NOL11: variants seen among roughly 807,000 people sequenced by gnomAD.
NOL11 encodes the protein nucleolar protein 11.
In NOL11, 42 loss-of-function variants were observed where a neutral mutation model predicts 93.0. The observed-to-expected ratio is 0.45, with a 90% CI of 0.35 to 0.58. The LOEUF (loss-of-function observed/expected upper bound fraction) is 0.58, where lower values mean the gene tolerates loss of function less well. Ranked by LOEUF, NOL11 falls within the 20% of genes least tolerant of loss-of-function variation. The probability of loss-of-function intolerance (pLI) is 0.00; values close to 1 mark genes in which losing one functional copy is unlikely to be tolerated. For missense variants in NOL11, 775 were observed against 841.8 expected (o/e 0.92, Z 0.98); for synonymous variants, 296 against 293.7 (o/e 1.01, Z -0.08).
At position 67,719,618 on chromosome 17, in the gene NOL11, G is replaced by A. The variant is rs141648424; in HGVS notation, c.142-56G>A. 4.1e-3 allele frequency: 3,686 copies of A among 896,258 alleles called. 22 individuals carry two copies. The highest frequency in any genetic ancestry group is 4.5e-3 in the Non-Finnish European group (2,553 of 568,402). 55.5% of individuals were successfully genotyped at this position (896,258 alleles called of 1,614,324 possible). On this transcript the variant is annotated intron_variant, in intron 1 of 17. Transcript: ENST00000253247. ...TCTTTTATTGATTATAAACTTAATT[G>A]CTTTTAATGTTTGAAGTTGACTTCT... is the stretch of plus-strand genomic sequence containing the variant.
At chr17:67,728,316 G>C (rs2143104847) in intron 7 of NOL11, among the ~76,000 whole-genome samples, 1 of 152,194 alleles carries the variant, frequency 6.6e-6, no homozygotes, top group African/African-American at 2.4e-5. Flanking sequence ...ACTTTACTAA[G>C]ATTATCTCAT....
Position 67,722,431 on chromosome 17 carries a change from A to G in NOL11, c.462-149A>G, listed in dbSNP as rs114959123. On this transcript the variant is annotated intron_variant, in intron 4 of 17. Transcript: ENST00000253247. Reference sequence around the variant, plus strand: ...GACAAATGCGTATTGCTTGTGGTATATGTTTCAAAACGCCCAATTAAGTGT... The same window carrying G: ...GACAAATGCGTATTGCTTGTGGTATGTGTTTCAAAACGCCCAATTAAGTGT... 948 of 1,223,328 alleles carry G rather than the reference A, an allele frequency of 7.7e-4. 3 individuals carry two copies. The African/African-American group carries it at 0.014, about 18-fold the overall frequency. The allele number at this position is 1,223,328 out of a possible 1,614,324, so 75.8% of individuals were successfully genotyped here.
At chr17:67,741,971 A>G (rs750146650) in intron 16 of NOL11, among the ~76,000 whole-genome samples, 1 of 152,202 alleles carries the variant, frequency 6.6e-6, no homozygotes, top group Non-Finnish European at 1.5e-5. Context: ...TAATGTACCT[A>G]TCAATCCTCT....
At chr17:67,726,701 T>A in intron 7 of NOL11, 53 bp downstream of exon 7, 1 of 1,282,422 alleles carries the variant, frequency 7.8e-7, no homozygotes, top group Non-Finnish European at 1.1e-6. Flanking sequence ...CTTCACGGTG[T>A]ACCTTTTAGT....
intron 7 of NOL11, among the ~76,000 whole-genome samples, chr17:67,728,513 G>A (rs1599040146): frequency 1.3e-5 from 2 of 152,074 alleles, no homozygotes; most frequent in Admixed American, 6.6e-5. Flanking sequence ...ACTTCACTAA[G>A]CTGTGCTTCT....
In NOL11 at chr17:67,724,052, G is replaced by A. The variant is rs2055062675; in HGVS notation, c.523G>A (p.Gly175Arg). 6.5e-7 allele frequency: 1 copy of A among 1,534,572 alleles called. No individual in the cohort carries two copies. The highest frequency in any genetic ancestry group is 8.7e-7 in the Non-Finnish European group (1 of 1,145,374). ...AAATAACCTTTTTTTTTTGCAGCAT[G>A]GAAATTACTTTGCTTACGTGCAAAT... is the stretch of plus-strand genomic sequence containing the variant. ...PVLIFITEKH[G>R]NYFAYVQMFN... The change falls in exon 6 of 18, where the codon GGA becomes AGA. Residue 175 changes from glycine (G) to arginine (R), a missense_variant. Physicochemically the swap from Gly to Arg is moderately radical, Grantham distance 125 (BLOSUM62 -2). Around this residue, in one of 2 missense-constraint regions of NOL11, gnomAD observed 359 missense variants for 316.5 expected, o/e 1.13. Coordinates refer to ENST00000253247, the MANE Select transcript of NOL11 (RefSeq NM_015462.5).
At chr17:67,728,243 G>A (rs2055118104) in intron 7 of NOL11, among the ~76,000 whole-genome samples, 1 of 152,200 alleles carries the variant, frequency 6.6e-6, no homozygotes, top group Non-Finnish European at 1.5e-5. Context: ...CTGGGGGACA[G>A]AGCAAGACTC....
Position 67,735,942 on chromosome 17 carries a change from T to A in NOL11, c.973T>A (p.Ser325Thr), listed in dbSNP as rs2055197906. 6.2e-7 allele frequency: 1 copy of A among 1,612,178 alleles called. No homozygotes were observed. The highest frequency in any genetic ancestry group is 8.5e-7 in the Non-Finnish European group (1 of 1,178,802). Residue 325 changes from serine to threonine, a missense_variant, in exon 9 of 18, where the codon TCT becomes ACT. By Grantham distance (58) the Ser-to-Thr change is moderately conservative. This residue lies in a region of NOL11 where 416 missense variants were observed against 525.2 expected (regional missense o/e 0.79). Coordinates refer to ENST00000253247, the MANE Select transcript of NOL11 (RefSeq NM_015462.5). ...GEHLFMLHGK[S>T]LTVIPYKCEV... ...ACATTTGTTTATGCTACATGGAAAA[T>A]CTCTAACTGTGATTCCATACAAGTG...
rs1432928948 is a variant in NOL11 at position 67,743,991 on chromosome 17, C to T, written c.*132C>T. 2 of 498,306 alleles carry T rather than the reference C, an allele frequency of 4.0e-6. No homozygotes were observed. Among genetic ancestry groups the T allele is most frequent in the Admixed American group, 3.8e-5 (1 of 26,342 alleles). 30.9% of individuals were successfully genotyped at this position (498,306 alleles called of 1,614,324 possible). Reference sequence around the variant, plus strand: ...GAAACGTGTCAGTGAGTACCTGGACCATCACTTAACTGATGCTCCGGGGTA... The same window carrying T: ...GAAACGTGTCAGTGAGTACCTGGACTATCACTTAACTGATGCTCCGGGGTA... On this transcript the variant is annotated 3_prime_UTR_variant, in exon 18 of 18. Coordinates refer to ENST00000253247, the MANE Select transcript of NOL11 (RefSeq NM_015462.5).
At chr17:67,730,538 G>A (rs2055144470) in intron 7 of NOL11, among the ~76,000 whole-genome samples, 1 of 152,226 alleles carries the variant, frequency 6.6e-6, no homozygotes, top group African/African-American at 2.4e-5. Flanking sequence ...GGGATTACAG[G>A]CGTGAGCCAC....
chr17:67,739,709 C>T (rs2055237464), intron 16 of NOL11, 101 bp downstream of exon 16: 1 of 715,540 alleles, frequency 1.4e-6, no homozygotes, highest in East Asian at 2.9e-5. Context: ...CTTCTTGTTT[C>T]CTAGGCCGTA....
intron 7 of NOL11, 127 bp downstream of exon 7, chr17:67,726,775 AT>A (rs945302393): frequency 1.0e-4 from 70 of 676,750 alleles, no homozygotes; most frequent in African/African-American, 8.1e-4. Flanking sequence ...AGCATACTCA[AT>A]TTTTTTTGTG....
At position 67,735,911 on chromosome 17, in the gene NOL11, T is replaced by C. The variant is rs143669609; in HGVS notation, c.942T>C (p.Tyr314=). 7.2e-5 allele frequency: 116 copies of C among 1,609,314 alleles called. No individual in the cohort carries two copies. The African/African-American group carries it at 1.4e-3, about 19-fold the overall frequency. The change falls in exon 9 of 18, where the codon TAT becomes TAC. Residue 314 remains tyrosine (Y), a synonymous_variant. Coordinates refer to ENST00000253247, the MANE Select transcript of NOL11 (RefSeq NM_015462.5). ...AACTTTTTTTGTAGCTCTGGTATTA[T>C]GGAGAACATTTGTTTATGCTACATG... is the stretch of plus-strand genomic sequence containing the variant. The part of the protein sequence containing the change: ...PQGTSGQLWY[Y]GEHLFMLHGK...
At chr17:67,735,809 G>A (rs992211140) in intron 8 of NOL11, 91 bp from the exon 9 acceptor site, 2 of 892,108 alleles carry the variant, frequency 2.2e-6, no homozygotes, top group Non-Finnish European at 3.2e-6. Flanking sequence ...TTTTAATACT[G>A]AGCACTTATA....
chr17:67,724,034 C>CTTT lies in NOL11; in HGVS notation c.520-7_520-5dup. Reference sequence around the variant, plus strand: ...GAAATGGGAATATTTATAAAATAACCTTTTTTTTTTGCAGCATGGAAATTA... The same window carrying CTTT: ...GAAATGGGAATATTTATAAAATAACCTTTTTTTTTTTTTGCAGCATGGAAATTA... On this transcript the variant is annotated splice_polypyrimidine_tract_variant and intron_variant, in intron 5 of 17. Transcript: ENST00000253247. The CTTT allele has an allele frequency of 7.8e-7, 1 of 1,280,656 alleles. No homozygotes were observed. Among genetic ancestry groups the CTTT allele is most frequent in the South Asian group, 1.5e-5 (1 of 67,552 alleles). 79.3% of individuals were successfully genotyped at this position (1,280,656 alleles called of 1,614,324 possible). A position where few individuals can be genotyped will look rare whatever the true frequency, so the allele number is the denominator to read the frequency against.
Position 67,719,761 on chromosome 17 carries a change from G to A in NOL11, c.229G>A (p.Glu77Lys). 2 of 1,608,140 alleles carry A rather than the reference G, an allele frequency of 1.2e-6. No individual in the cohort carries two copies. The highest frequency in any genetic ancestry group is 1.7e-6 in the Non-Finnish European group (2 of 1,176,776). ...CPAVCNFQTG[E>K]YVVVHDNKVL... ...AGCTGTGTGCAACTTTCAAACTGGA[G>A]AGTATGTTGTTGTACACGATAATAA... is the stretch of plus-strand genomic sequence containing the variant. The change falls in exon 2 of 18, where the codon GAG becomes AAG. Residue 77 changes from glutamate to lysine, a missense_variant. By Grantham distance (56) the Glu-to-Lys change is moderately conservative (BLOSUM62 1). Around this residue, in one of 2 missense-constraint regions of NOL11, gnomAD observed 359 missense variants for 316.5 expected, o/e 1.13. Coordinates refer to ENST00000253247, the MANE Select transcript of NOL11 (RefSeq NM_015462.5).
At chr17:67,721,600 T>C in intron 4 of NOL11, 74 bp downstream of exon 4, 1 of 1,260,618 alleles carries the variant, frequency 7.9e-7, no homozygotes, top group Admixed American at 2.0e-5. Flanking sequence ...TGTTCAAAAG[T>C]ATTTTGGTTA....
At chr17:67,738,397 G>C (rs746984647) in intron 14 of NOL11, 42 bp downstream of exon 14, 2 of 1,310,674 alleles carry the variant, frequency 1.5e-6, no homozygotes, top group South Asian at 2.5e-5. Context: ...CTCTTTATAG[G>C]ATATAGTTAT....
Position 67,737,690 on chromosome 17 carries a change from C to T in NOL11, c.1401C>T (p.Tyr467=). Residue 467 remains tyrosine, a splice_region_variant and synonymous_variant, in exon 12 of 18, where the codon TAC becomes TAT. Coordinates refer to ENST00000253247, the MANE Select transcript of NOL11 (RefSeq NM_015462.5). ...TTATCCAAACGCATGTGCTTTCTTA[C>T]AGGTAGCTGTTTGTGTGTACCACAC... is the stretch of plus-strand genomic sequence containing the variant. ...MQLIQTHVLS[Y]SLCPDLMEIA... The T allele has an allele frequency of 6.2e-7, 1 of 1,612,400 alleles. No individual in the cohort carries two copies. Among genetic ancestry groups the T allele is most frequent in the South Asian group, 1.1e-5 (1 of 90,654 alleles).
Sources: allele counts gnomAD v4.1 joint callset (sites outside exome capture counted in the v4.1 genomes callset), GRCh38; gene constraint gnomAD v4.1.1; regional missense constraint gnomAD v4.1.1; transcripts MANE v1.5; gene names NCBI Gene and HGNC (gene_info 2026-07-23, HGNC 2026-07-21).